Variants in PKP4 observed in about 807,000 individuals in gnomAD.
The protein encoded by PKP4 is plakophilin-4.
PKP4 carries 90 observed loss-of-function variants against 145.1 expected under a neutral mutation model. The observed-to-expected ratio is 0.62, with a 90% CI of 0.52 to 0.74. The LOEUF (loss-of-function observed/expected upper bound fraction) is 0.74, where lower values mean the gene tolerates loss of function less well. Ranked by LOEUF, PKP4 falls within the 30% of genes least tolerant of loss-of-function variation. PKP4 has a pLI of 0.00. For missense variants in PKP4, 1,340 were observed against 1,482.7 expected, an observed-to-expected ratio of 0.90 and a Z score of 1.58; for synonymous variants, 563 against 577.2, an observed-to-expected ratio of 0.98 and a Z score of 0.35.
At chr2:158,498,819 T>G (rs1263186193) in intron 1 of PKP4, among the ~76,000 whole-genome samples, 7 of 151,864 alleles carry the variant, frequency 4.6e-5, no homozygotes, top group South Asian at 2.1e-4. Context: ...TGAGTGTTTT[T>G]TTTTTTTTTT....
At chr2:158,522,982 G>A (rs1363259011) in intron 1 of PKP4, among the ~76,000 whole-genome samples, 2 of 152,174 alleles carry the variant, frequency 1.3e-5, no homozygotes, top group Admixed American at 1.3e-4. Context: ...AGGGTCCTAC[G>A]CCCACGGAAT....
At chr2:158,525,984 A>C (rs2042892516) in intron 1 of PKP4, among the ~76,000 whole-genome samples, 1 of 151,338 alleles carries the variant, frequency 6.6e-6, no homozygotes, top group African/African-American at 2.4e-5. Flanking sequence ...AAATTGTGGC[A>C]ATAATCAATA....
rs574926039 is a variant in PKP4, at chr2:158,506,629, ATTT to A, written c.-5-26548_-5-26546del. 1.9e-4 allele frequency among the ~76,000 whole-genome samples: 29 copies of A among 152,292 alleles called. No homozygotes were observed. In the East Asian group the frequency reaches 4.8e-3, roughly 25 times the overall value. ...TACTCTCTTTAAATACTGTTCTGTT[ATTT>A]TTGAAATCTGATCAAGAATTGACAC... On this transcript the variant is annotated intron_variant, in intron 1 of 21. Transcript: ENST00000389759.
intron 1 of PKP4, among the ~76,000 whole-genome samples, chr2:158,494,947 G>A (rs1695467366): frequency 1.3e-5 from 2 of 151,890 alleles, no homozygotes; most frequent in Admixed American, 6.6e-5. Flanking sequence ...GGCCGGGCGC[G>A]GTGGCTCACA....
intron 1 of PKP4, among the ~76,000 whole-genome samples, chr2:158,528,758 C>G (rs1559277650): frequency 6.7e-6 from 1 of 149,980 alleles, no homozygotes; most frequent in Non-Finnish European, 1.5e-5. Context: ...TGCATACCCA[C>G]ACATGTAAGA....
intron 2 of PKP4, among the ~76,000 whole-genome samples, chr2:158,536,625 A>C (rs572905975): frequency 1.3e-5 from 2 of 152,206 alleles, no homozygotes; most frequent in African/African-American, 4.8e-5. Flanking sequence ...TCACTGGGCT[A>C]TGCTTTCCCT....
rs376454360 is a variant in PKP4 at position 158,624,561 on chromosome 2, A to G, written c.604-317A>G. Among the ~76,000 whole-genome samples, 9 of 152,118 alleles carry G rather than the reference A, an allele frequency of 5.9e-5. No individual in the cohort carries two copies. In the East Asian group the frequency reaches 1.2e-3, roughly 20 times the overall value. ...TGTAACACTTAGAATAAAACATTTT[A>G]TGTGCTGTGAAAAATGCATAGGCAA... is the stretch of plus-strand genomic sequence containing the variant. On this transcript the variant is annotated intron_variant, in intron 6 of 21. Transcript: ENST00000389759.
intron 2 of PKP4, among the ~76,000 whole-genome samples, chr2:158,567,456 G>A (rs543937623): frequency 8.5e-5 from 13 of 152,304 alleles, no homozygotes; most frequent in Admixed American, 7.8e-4. Context: ...GTAGTTTTAT[G>A]GGTTGGGTTG....
intron 6 of PKP4, among the ~76,000 whole-genome samples, chr2:158,622,756 C>T (rs568691715): frequency 4.7e-4 from 71 of 152,292 alleles, no homozygotes; most frequent in Non-Finnish European, 1.5e-4. Context: ...CTTCAGGCTG[C>T]ACCCCAAGTC....
In PKP4 at chr2:158,666,509, G is replaced by A. The variant is rs755733460; in HGVS notation, c.2674G>A (p.Val892Met). Residue 892 changes from valine (V) to methionine (M), a missense_variant, in exon 16 of 22, where the codon GTG becomes ATG. Coordinates refer to ENST00000389759, the MANE Select transcript of PKP4 (RefSeq NM_003628.6). The part of the protein sequence containing the change: ...RMDNDRVVSS[V>M]ATALRNMALD... ...GGATAACGATAGAGTTGTTTCTTCC[G>A]TGGCAACAGCCTTGAGGAATATGGC... is the stretch of plus-strand genomic sequence containing the variant. The A allele has an allele frequency of 3.1e-6, 5 of 1,613,600 alleles. No homozygotes were observed. The highest frequency in any genetic ancestry group is 2.2e-5 in the East Asian group (1 of 44,826).
At chr2:158,462,698 G>C (rs936887557) in intron 1 of PKP4, among the ~76,000 whole-genome samples, 1 of 152,116 alleles carries the variant, frequency 6.6e-6, no homozygotes, top group Non-Finnish European at 1.5e-5. Context: ...CATTAAGGTA[G>C]TGAGGTGTCA....
intron 15 of PKP4, 139 bp downstream of exon 15, chr2:158,663,584 T>A (rs966530538): frequency 2.9e-6 from 2 of 687,698 alleles, no homozygotes; most frequent in African/African-American, 1.8e-5. Context: ...TGTGAAGGGG[T>A]TAAAGGGAAA....
chr2:158,467,689 T>C (rs1026989662), intron 1 of PKP4, among the ~76,000 whole-genome samples: 2 of 151,892 alleles, frequency 1.3e-5, no homozygotes, highest in Admixed American at 6.6e-5. Flanking sequence ...CTAAAAAAAA[T>C]TTTAAAAATT....
At chr2:158,533,809 G>C (rs977415261) in intron 2 of PKP4, among the ~76,000 whole-genome samples, 2 of 152,072 alleles carry the variant, frequency 1.3e-5, no homozygotes, top group Non-Finnish European at 2.9e-5. Flanking sequence ...AAAACTTGTC[G>C]AACTGTGCCA....
rs779613250 is a variant in PKP4, at chr2:158,634,162, G to A, written c.1435G>A (p.Ala479Thr). Reference sequence around the variant, plus strand: ...TGCTCTGAACACAACAGCTACCTACGCGGAGCCCTACAGGCCTATACAATA... The same window carrying A: ...TGCTCTGAACACAACAGCTACCTACACGGAGCCCTACAGGCCTATACAATA... Reference protein sequence around the residue: ...NYALNTTATYAEPYRPIQYRV... With the variant: ...NYALNTTATYTEPYRPIQYRV... The change falls in exon 9 of 22, where the codon GCG becomes ACG. Residue 479 changes from alanine (A) to threonine (T), a missense_variant. Transcript: ENST00000389759. 6.8e-6 allele frequency: 11 copies of A among 1,613,774 alleles called. No individual in the cohort carries two copies. The highest frequency in any genetic ancestry group is 4.4e-5 in the South Asian group (4 of 91,074).
chr2:158,491,312 C>G (rs1574077465), intron 1 of PKP4, among the ~76,000 whole-genome samples: 2 of 152,170 alleles, frequency 1.3e-5, no homozygotes, highest in African/African-American at 4.8e-5. Context: ...AGTACTCTTA[C>G]TTTGCCTGAG....
intron 19 of PKP4, 48 bp from the exon 20 acceptor site, chr2:158,676,691 A>C: frequency 6.2e-7 from 1 of 1,610,966 alleles, no homozygotes; most frequent in Non-Finnish European, 8.5e-7. Flanking sequence ...ACTGATGCTG[A>C]TTTCTCTTTC....
chr2:158,633,961 A>G, intron 8 of PKP4, 109 bp from the exon 9 acceptor site: 2 of 647,214 alleles, frequency 3.1e-6, no homozygotes, highest in South Asian at 2.2e-5. Flanking sequence ...TAAGCGATTT[A>G]TATAATTGCC....
At chr2:158,675,680 G>T (rs377669494) in intron 19 of PKP4, among the ~76,000 whole-genome samples, 20 of 152,178 alleles carry the variant, frequency 1.3e-4, no homozygotes, top group African/African-American at 4.6e-4. Context: ...GGAGGCAGGC[G>T]GGTATGCTTT....
Sources: allele counts gnomAD v4.1 joint callset (sites outside exome capture counted in the v4.1 genomes callset), GRCh38; gene constraint gnomAD v4.1.1; transcripts MANE v1.5; gene names NCBI Gene and HGNC (gene_info 2026-07-23, HGNC 2026-07-21).